The following NLRP7 variants were observed in gnomAD, a reference collection of about 807,000 sequenced individuals.
NLRP7 encodes NACHT, LRR and PYD domains-containing protein 7.
In NLRP7, 72 loss-of-function variants were observed where a neutral mutation model predicts 85.5. The observed-to-expected ratio is 0.84, with a 90% confidence interval of 0.70 to 1.02. The LOEUF is 1.02. NLRP7 is among the 50% of genes least tolerant of loss of function. The probability of loss-of-function intolerance (pLI) is 0.00; values close to 1 mark genes in which losing one functional copy is unlikely to be tolerated. For missense variants in NLRP7, 1,243 were observed against 1,219.5 expected, an observed-to-expected ratio of 1.02 and a Z score of -0.29; for synonymous variants, 550 against 505.2, an observed-to-expected ratio of 1.09 and a Z score of -1.19.
intron 5 of NLRP7, among the ~76,000 whole-genome samples, 190 bp downstream of exon 5, chr19:54,937,854 G>A (rs896333268): frequency 1.6e-5 from 2 of 128,458 alleles, no homozygotes; most frequent in Admixed American, 9.9e-5. Context: ...CTGAGATCGC[G>A]CCATTGCACT....
chr19:54,934,264 A>G lies in NLRP7; in HGVS notation c.2471+225T>C, dbSNP rs967910694. Among the ~76,000 whole-genome samples, 3 of 152,078 alleles carry G rather than the reference A, an allele frequency of 2.0e-5. No individual in the cohort carries two copies. Among genetic ancestry groups the G allele is most frequent in the Non-Finnish European group, 2.9e-5 (2 of 68,008 alleles). On this transcript the variant is annotated intron_variant, in intron 7 of 9. Coordinates refer to ENST00000340844, the Ensembl canonical transcript of NLRP7. The surrounding 1 kb of genome is among the most constrained non-coding windows in gnomAD (Gnocchi z 6.7). Reference sequence around the variant, plus strand: ...CCTGTTTTTGGTATTTTTAATAGAAACAGGGTTTCACCATGTTGGCCAGGT... The same window carrying G: ...CCTGTTTTTGGTATTTTTAATAGAAGCAGGGTTTCACCATGTTGGCCAGGT...
At chr19:54,927,982 C>T (rs536283706) in intron 9 of NLRP7, among the ~76,000 whole-genome samples, 1 of 152,108 alleles carries the variant, frequency 6.6e-6, no homozygotes, top group African/African-American at 2.4e-5. Context: ...AGCCCCAGCA[C>T]CTTGGGAGGC....
intron 9 of NLRP7, among the ~76,000 whole-genome samples, chr19:54,927,239 G>A (rs58091768): frequency 2.2e-4 from 33 of 151,912 alleles, no homozygotes; most frequent in Non-Finnish European, 4.3e-4. Flanking sequence ...AAATTAGCCA[G>A]GCATGGTGGC....
chr19:54,942,370 A>G (rs886543177), intron 1 of NLRP7, among the ~76,000 whole-genome samples: 2 of 151,774 alleles, frequency 1.3e-5, no homozygotes, highest in Admixed American at 1.3e-4. Context: ...ACCAACGTCC[A>G]TGGGCTGTGA....
chr19:54,938,827 C>A, intron 4 of NLRP7, 61 bp downstream of exon 4: 1 of 1,584,918 alleles, frequency 6.3e-7, no homozygotes. Flanking sequence ...CAGTAAGCGA[C>A]AGGGCAAAGG....
intron 1 of NLRP7, among the ~76,000 whole-genome samples, chr19:54,963,943 C>T (rs1305996762): frequency 2.7e-5 from 4 of 148,424 alleles, no homozygotes; most frequent in Non-Finnish European, 4.5e-5. Flanking sequence ...TGCAGTGGTG[C>T]GGTCTCGGCT....
At chr19:54,960,888 C>CACCCAG (rs2070020380) in intron 1 of NLRP7, among the ~76,000 whole-genome samples, 1 of 151,874 alleles carries the variant, frequency 6.6e-6, no homozygotes. Context: ...AGCCACCATG[C>CACCCAG]CCAGCACAAA....
upstream of NLRP7, among the ~76,000 whole-genome samples, chr19:54,948,301 C>T (rs2116884): frequency 3.9e-5 from 6 of 152,130 alleles, no homozygotes; most frequent in Admixed American, 3.9e-4. Context: ...AGGACAATCA[C>T]TTGAACTAGG....
intron 6 of NLRP7, among the ~76,000 whole-genome samples, chr19:54,935,184 C>T (rs141090252): frequency 1.5e-3 from 227 of 151,668 alleles, no homozygotes; most frequent in African/African-American, 5.3e-3. Context: ...CAATTCTGTG[C>T]AATGTTTCAC....
At chr19:54,945,414 G>A (rs2069425890) in intron 1 of NLRP7, among the ~76,000 whole-genome samples, 4 of 150,810 alleles carry the variant, frequency 2.7e-5, no homozygotes, top group Admixed American at 2.6e-4. Flanking sequence ...GGGATTACAG[G>A]TATGCCCCAC....
intron 6 of NLRP7, 99 bp downstream of exon 6, chr19:54,936,162 G>C: frequency 1.9e-6 from 2 of 1,031,816 alleles, no homozygotes; most frequent in South Asian, 2.6e-5. Flanking sequence ...TTCCCTGTCT[G>C]GGACGGCATC....
At chr19:54,962,801 G>T (rs572326987) in intron 1 of NLRP7, among the ~76,000 whole-genome samples, 201 of 148,844 alleles carry the variant, frequency 1.4e-3, no homozygotes, top group Middle Eastern at 3.6e-3. Context: ...GGGTTTCACC[G>T]TGTTAGCCAG....
intron 9 of NLRP7, 25 bp from the exon 10 acceptor site, chr19:54,927,800 C>A (rs775870): frequency 1.2e-6 from 2 of 1,605,852 alleles, no homozygotes; most frequent in Admixed American, 3.3e-5. Context: ...CATGGAAATC[C>A]ACGCATTCAC....
Position 54,934,717 on chromosome 19 carries a change from T to C in NLRP7, c.2301-58A>G, listed in dbSNP as rs534839412. The C allele has an allele frequency of 5.0e-4, 299 of 602,742 alleles. 1 individual carries two copies. Among genetic ancestry groups the C allele is most frequent in the African/African-American group, 4.9e-3 (243 of 49,436 alleles). 37.3% of individuals were successfully genotyped at this position (602,742 alleles called of 1,614,324 possible). Reference sequence around the variant, plus strand: ...GGAGGACAGAGTATACCCTATCAGCTTTTTTTTTTTGAGACAGAGTTTCAC... The same window carrying C: ...GGAGGACAGAGTATACCCTATCAGCCTTTTTTTTTTGAGACAGAGTTTCAC... On this transcript the variant is annotated intron_variant, in intron 6 of 9. Coordinates refer to ENST00000340844, the Ensembl canonical transcript of NLRP7. This position sits in a 1 kb window ranked among gnomAD's most constrained non-coding sequence, Gnocchi z 6.7.
At chr19:54,927,649 G>C in intron 9 of NLRP7, 1 of 1,614,154 alleles carries the variant, frequency 6.2e-7, no homozygotes, top group Non-Finnish European at 8.5e-7. Flanking sequence ...GAACCCCAAA[G>C]AGCTTAATTA....
chr19:54,925,963 T>G (rs980795954), intron 9 of NLRP7, among the ~76,000 whole-genome samples: 30 of 150,554 alleles, frequency 2.0e-4, no homozygotes, highest in Admixed American at 4.0e-4. Context: ...TCGCACCGCT[T>G]CACTCCAGCC....
In NLRP7 at chr19:54,956,693, C is replaced by CAA. The variant is rs370229007; in HGVS notation, c.-76-9190_-76-9189dup. Among the ~76,000 whole-genome samples, 397 of 118,546 alleles carry CAA rather than the reference C, an allele frequency of 3.3e-3. 2 individuals are homozygous for CAA. The highest frequency in any genetic ancestry group is 0.011 in the African/African-American group (361 of 32,004). 77.8% of individuals were successfully genotyped at this position (118,546 alleles called of 152,430 possible). On this transcript the variant is annotated intron_variant, in intron 1 of 2. Transcript: ENST00000587103. ...TGGGAGACAGAGCAAGACTCTCCCT[C>CAA]AAAAAAAAAAAAAGGCCGGGCGCAG... is the stretch of plus-strand genomic sequence containing the variant.
chr19:54,925,435 G>C (rs1406597135), intron 9 of NLRP7, among the ~76,000 whole-genome samples: 1 of 152,142 alleles, frequency 6.6e-6, no homozygotes, highest in Admixed American at 6.6e-5. Context: ...CACATGCTTA[G>C]CGTTCCAATA....
At chr19:54,943,173 G>A (rs940023171) in intron 1 of NLRP7, among the ~76,000 whole-genome samples, 3 of 151,864 alleles carry the variant, frequency 2.0e-5, no homozygotes, top group African/African-American at 7.3e-5. Context: ...AGCCAGGCCT[G>A]GTGGAACATA....
Sources: gnomAD v4.1 joint callset for allele counts (sites outside exome capture counted in the v4.1 genomes callset) on GRCh38, gnomAD v4.1.1 for gene constraint, Gnocchi (gnomAD v3.1) non-coding constraint, MANE v1.5 for transcripts, NCBI Gene and HGNC (gene_info 2026-07-23, HGNC 2026-07-21) for gene names.